Variants in WDR7 observed in about 807,000 individuals in gnomAD.
WDR7 encodes the protein WD repeat domain 7, also known as WD repeat-containing protein 7.
Under a neutral mutation model 169.4 loss-of-function variants are expected in WDR7, and 46 were observed. The observed-to-expected ratio is 0.27, with a 90% CI of 0.21 to 0.35. WDR7 has a LOEUF of 0.35. Ranked by LOEUF, WDR7 falls within the 10% of genes least tolerant of loss-of-function variation. The probability of loss-of-function intolerance (pLI) is 1.00; values close to 1 mark genes in which losing one functional copy is unlikely to be tolerated. For missense variants in WDR7, 1,534 were observed against 1,859.3 expected, an observed-to-expected ratio of 0.83 and a Z score of 3.22; for synonymous variants, 612 against 666.8, an observed-to-expected ratio of 0.92 and a Z score of 1.27.
At chr18:56,933,175 A>T (rs2046914089) in intron 22 of WDR7, among the ~76,000 whole-genome samples, 1 of 152,154 alleles carries the variant, frequency 6.6e-6, no homozygotes, top group South Asian at 2.1e-4. Flanking sequence ...GGGAGGGCAG[A>T]CAGGTGCCCA....
At chr18:56,866,686 C>T (rs1033837139) in intron 20 of WDR7, among the ~76,000 whole-genome samples, 1 of 152,096 alleles carries the variant, frequency 6.6e-6, no homozygotes, top group African/African-American at 2.4e-5. Context: ...TGTCTGTGTT[C>T]AGCTCTTATA....
intron 1 of WDR7, among the ~76,000 whole-genome samples, chr18:56,671,996 A>G (rs1011303630): frequency 2.6e-5 from 4 of 152,196 alleles, no homozygotes; most frequent in East Asian, 3.9e-4. Flanking sequence ...ATGGAGGCAT[A>G]CAACTTGGGA....
chr18:56,962,629 C>G, intron 26 of WDR7, 100 bp downstream of exon 26: 1 of 1,049,288 alleles, frequency 9.5e-7, no homozygotes, highest in Non-Finnish European at 1.5e-6. Flanking sequence ...GCTGCTGGAA[C>G]ATTATGGATA....
In WDR7 at chr18:56,935,836, T is replaced by G; in HGVS notation, c.3762T>G (p.Ser1254=). ...PLSPAADSAR[S]ARHALSLIAT... The stretch of plus-strand genomic sequence containing the variant: ...GCCCAGCAGCTGACTCGGCCCGCTC[T>G]GCGAGGCATGCCCTCTCGCTCATTG... Residue 1254 remains serine, a synonymous_variant, in exon 23 of 28, where the codon TCT becomes TCG. Transcript: ENST00000254442. The G allele has an allele frequency of 6.2e-7, 1 of 1,614,218 alleles. No homozygotes were observed. The highest frequency in any genetic ancestry group is 1.1e-5 in the South Asian group (1 of 91,078).
At chr18:56,759,167 T>C (rs1455777261) in intron 16 of WDR7, among the ~76,000 whole-genome samples, 1 of 152,200 alleles carries the variant, frequency 6.6e-6, no homozygotes, top group Non-Finnish European at 1.5e-5. Context: ...TTTCAGATAA[T>C]TTTATTATAC....
intron 13 of WDR7, among the ~76,000 whole-genome samples, chr18:56,731,087 GA>G: frequency 6.6e-6 from 1 of 152,162 alleles, no homozygotes; most frequent in Non-Finnish European, 1.5e-5. Context: ...GAGTAGTCAA[GA>G]AAACCATCTG....
intron 20 of WDR7, among the ~76,000 whole-genome samples, chr18:56,839,954 C>T (rs187795949): frequency 1.3e-5 from 2 of 152,014 alleles, no homozygotes; most frequent in Admixed American, 6.6e-5. Context: ...CCCAGCTACT[C>T]GGGAGGCTGA....
chr18:56,870,836 A>C (rs1299922409), intron 20 of WDR7, among the ~76,000 whole-genome samples: 1 of 152,184 alleles, frequency 6.6e-6, no homozygotes, highest in Non-Finnish European at 1.5e-5. Context: ...TGATTAAAGT[A>C]CATCTAAAGA....
chr18:56,695,660 C>T (rs963979267), intron 11 of WDR7, among the ~76,000 whole-genome samples: 1 of 152,010 alleles, frequency 6.6e-6, no homozygotes, highest in African/African-American at 2.4e-5. Context: ...GCACAGCCCC[C>T]CAAGTAGCTG....
At chr18:56,853,201 A>C (rs774664552) in intron 20 of WDR7, among the ~76,000 whole-genome samples, 43 of 152,266 alleles carry the variant, frequency 2.8e-4, no homozygotes, top group Non-Finnish European at 4.7e-4. Flanking sequence ...CAAAACAGTA[A>C]CTGTTAACAT....
chr18:56,806,722 T>C (rs1048228257), intron 19 of WDR7, among the ~76,000 whole-genome samples: 20 of 152,206 alleles, frequency 1.3e-4, no homozygotes, highest in Admixed American at 1.2e-3. Flanking sequence ...ATATAAACTT[T>C]TTGGAAGCTA....
chr18:56,963,470 A>G (rs187000485), intron 26 of WDR7, among the ~76,000 whole-genome samples: 111 of 152,302 alleles, frequency 7.3e-4, no homozygotes, highest in Non-Finnish European at 1.2e-3. Flanking sequence ...GCTTCTTTCC[A>G]TGAAGTAGTT....
At chr18:56,947,184 T>A (rs1214514260) in intron 25 of WDR7, among the ~76,000 whole-genome samples, 1 of 152,198 alleles carries the variant, frequency 6.6e-6, no homozygotes, top group Non-Finnish European at 1.5e-5. Flanking sequence ...ACTGCATCCA[T>A]TTTAAATCAC....
intron 21 of WDR7, among the ~76,000 whole-genome samples, chr18:56,916,036 T>A (rs1319807528): frequency 6.6e-6 from 1 of 152,238 alleles, no homozygotes; most frequent in East Asian, 1.9e-4. Flanking sequence ...TTATGATGGC[T>A]GGTTCTAGAA....
chr18:56,777,809 A>G (rs2044263133), intron 17 of WDR7, among the ~76,000 whole-genome samples: 1 of 152,186 alleles, frequency 6.6e-6, no homozygotes. Flanking sequence ...AAACATGGGG[A>G]CTTAAAAGTG....
chr18:56,706,196 T>C (rs570655306), intron 12 of WDR7, among the ~76,000 whole-genome samples: 1 of 152,332 alleles, frequency 6.6e-6, no homozygotes, highest in Admixed American at 6.5e-5. Context: ...GACAAGCTGG[T>C]AAAATGAAAT....
rs932454951 is a variant in WDR7 at position 56,838,210 on chromosome 18, A to T, written c.3304+22066A>T. Among the ~76,000 whole-genome samples, 10 of 148,982 alleles carry T rather than the reference A, an allele frequency of 6.7e-5. 1 individual carries two copies. Among genetic ancestry groups the T allele is most frequent in the Admixed American group, 2.7e-4 (4 of 14,990 alleles). On this transcript the variant is annotated intron_variant, in intron 20 of 27. Coordinates refer to ENST00000254442, the MANE Select transcript of WDR7 (RefSeq NM_015285.3). ...TGTGTGTCATTGTTGCTTTATTATT[A>T]TTTTTTTTTTGCCTTTTATTTCTTT... is the stretch of plus-strand genomic sequence containing the variant.
chr18:57,012,082 G>C (rs1395044987), intron 26 of WDR7, among the ~76,000 whole-genome samples: 2 of 152,110 alleles, frequency 1.3e-5, no homozygotes, highest in Non-Finnish European at 2.9e-5. Context: ...ACCTGGCCTG[G>C]GTATCTGGGG....
intron 16 of WDR7, among the ~76,000 whole-genome samples, chr18:56,760,358 T>G (rs763480488): frequency 2.6e-5 from 4 of 152,340 alleles, no homozygotes; most frequent in Admixed American, 1.3e-4. Flanking sequence ...TTTCTTTCTT[T>G]TACAGTTGTA....
Sources: gnomAD v4.1 joint callset for allele counts (sites outside exome capture counted in the v4.1 genomes callset) on GRCh38, gnomAD v4.1.1 for gene constraint, MANE v1.5 for transcripts, NCBI Gene and HGNC (gene_info 2026-07-23, HGNC 2026-07-21) for gene names.